The following GNB1L variants were observed in gnomAD, a reference collection of about 807,000 sequenced individuals.
The protein encoded by GNB1L is guanine nucleotide-binding protein subunit beta-like protein 1.
Under a neutral mutation model 29.1 loss-of-function variants are expected in GNB1L, and 20 were observed. That is an observed-to-expected ratio of 0.69 (90% CI 0.48 to 1.00). The LOEUF (loss-of-function observed/expected upper bound fraction) is 1.00. Among genes scored for constraint, GNB1L ranks in the 50% least tolerant of loss-of-function variants. GNB1L has a pLI of 0.00. For missense variants in GNB1L, 421 were observed against 464.9 expected (o/e 0.91, Z 0.87); for synonymous variants, 193 against 206.5 (o/e 0.93, Z 0.56).
rs1880366424 is a variant in GNB1L at position 19,788,157 on chromosome 22, A to T, written c.*552T>A. On this transcript the variant is annotated 3_prime_UTR_variant, in exon 8 of 8. Transcript: ENST00000329517. Reference sequence around the variant, plus strand: ...CTTTAGGGAGTTCAGTTACTTCCTGATCCTGATCCTGGCCTCAACCTGTGT... The same window carrying T: ...CTTTAGGGAGTTCAGTTACTTCCTGTTCCTGATCCTGGCCTCAACCTGTGT... 1 of 196,214 alleles carries T rather than the reference A, an allele frequency of 5.1e-6. No individual in the cohort carries two copies. The highest frequency in any genetic ancestry group is 2.3e-5 in the African/African-American group (1 of 42,750). The allele number at this position is 196,214 out of a possible 1,614,324, so 12.2% of individuals were successfully genotyped here.
chr22:19,792,777 G>T (rs1937266348), intron 7 of GNB1L: 3 of 1,472,120 alleles, frequency 2.0e-6, no homozygotes, highest in Non-Finnish European at 2.8e-6. Context: ...AGACGACGTG[G>T]ATCCCATCGA....
At chr22:19,853,713 C>T (rs1214945032) in intron 2 of GNB1L, among the ~76,000 whole-genome samples, 1 of 151,262 alleles carries the variant, frequency 6.6e-6, no homozygotes, top group Non-Finnish European at 1.5e-5. Flanking sequence ...GGTCTGACCC[C>T]CCTCTGGGGG....
chr22:19,828,592 G>C (rs924938880), intron 2 of GNB1L, among the ~76,000 whole-genome samples: 2 of 151,894 alleles, frequency 1.3e-5, no homozygotes, highest in Admixed American at 1.3e-4. Context: ...GCTGCAGTGA[G>C]CCATGATCAC....
At chr22:19,792,901 C>T (rs972516255) in intron 7 of GNB1L, 4 of 1,175,436 alleles carry the variant, frequency 3.4e-6, no homozygotes, top group African/African-American at 1.5e-5. Flanking sequence ...ACCACTGTCA[C>T]CTTCACATAG....
At position 19,832,236 on chromosome 22, in the gene GNB1L, G is replaced by A. The variant is rs553143799; in HGVS notation, c.-20-10861C>T. 3.3e-5 allele frequency among the ~76,000 whole-genome samples: 5 copies of A among 152,250 alleles called. No homozygotes were observed. In the East Asian group the frequency reaches 5.8e-4, roughly 18 times the overall value. On this transcript the variant is annotated intron_variant, in intron 2 of 7. Coordinates refer to ENST00000329517, the MANE Select transcript of GNB1L (RefSeq NM_053004.3). ...GCCTAGTTACTTGGGAGGCTGAGGT[G>A]GGAGGATCACTTAAGCCCAGGAGTT...
chr22:19,799,772 C>T (rs960685555), intron 7 of GNB1L, among the ~76,000 whole-genome samples: 1 of 152,184 alleles, frequency 6.6e-6, no homozygotes, highest in African/African-American at 2.4e-5. Flanking sequence ...TGCTTGCTCC[C>T]GGGTGGCAAG....
intron 2 of GNB1L, chr22:19,851,302 T>G (rs1464141514): frequency 1.2e-6 from 2 of 1,613,888 alleles, no homozygotes; most frequent in Non-Finnish European, 1.7e-6. Context: ...GTTTTGGACC[T>G]CCTGGATGAG....
intron 2 of GNB1L, chr22:19,850,935 T>C: frequency 1.5e-6 from 2 of 1,367,892 alleles, no homozygotes; most frequent in South Asian, 2.0e-5. Flanking sequence ...CGGGCAGGGA[T>C]GCAGCAGAGA....
chr22:19,850,086 C>T (rs1938058487), intron 2 of GNB1L: 10 of 985,816 alleles, frequency 1.0e-5, no homozygotes, highest in Non-Finnish European at 1.1e-5. Context: ...TCAGCCCCAC[C>T]CAGCTTCTTT....
chr22:19,826,719 G>A (rs2145886528), intron 2 of GNB1L, among the ~76,000 whole-genome samples: 1 of 152,286 alleles, frequency 6.6e-6, no homozygotes, highest in East Asian at 1.9e-4. Context: ...GGAGACATCT[G>A]GCTGTCACCA....
chr22:19,810,233 C>T (rs542545939), intron 5 of GNB1L, among the ~76,000 whole-genome samples: 1 of 152,302 alleles, frequency 6.6e-6, no homozygotes, highest in African/African-American at 2.4e-5. Context: ...AGGAGGCAGG[C>T]ACTGGCTACA....
At chr22:19,822,174 G>A (rs576653058) in intron 2 of GNB1L, among the ~76,000 whole-genome samples, 21 of 152,360 alleles carry the variant, frequency 1.4e-4, no homozygotes, top group East Asian at 3.9e-4. Flanking sequence ...TGGGGAAACC[G>A]AGGCAGAGAA....
At chr22:19,817,791 A>T (rs1399656990) in intron 4 of GNB1L, among the ~76,000 whole-genome samples, 2 of 152,294 alleles carry the variant, frequency 1.3e-5, no homozygotes, top group Admixed American at 1.3e-4. Flanking sequence ...CTACTTCTTG[A>T]CTGGAAGGTG....
chr22:19,788,803 G>A lies in GNB1L; in HGVS notation c.890C>T (p.Ala297Val). The A allele has an allele frequency of 6.2e-7, 1 of 1,612,652 alleles. No individual in the cohort carries two copies. The highest frequency in any genetic ancestry group is 8.5e-7 in the Non-Finnish European group (1 of 1,179,898). Residue 297 changes from alanine to valine, a missense_variant, in exon 8 of 8, where the codon GCT (alanine) becomes GTT (valine). Ala to Val is a moderately conservative substitution (Grantham distance 64). Coordinates refer to ENST00000329517, the MANE Select transcript of GNB1L (RefSeq NM_053004.3). ...GGCGGTGAAGGCCACGCACTGGACAGCGGCGCTGTGGAAGGCCAGCACGGC... is the reference window on the plus strand; with the variant it reads ...GGCGGTGAAGGCCACGCACTGGACAACGGCGCTGTGGAAGGCCAGCACGGC... Reference protein sequence around the residue: ...PLAVLAFHSAAVQCVAFTADG... With the variant: ...PLAVLAFHSAVVQCVAFTADG...
chr22:19,832,108 T>C (rs948575036), intron 2 of GNB1L, among the ~76,000 whole-genome samples: 5 of 152,064 alleles, frequency 3.3e-5, no homozygotes, highest in Non-Finnish European at 4.4e-5. Context: ...GGTGGGAGGA[T>C]CACTTGAGGC....
intron 7 of GNB1L, among the ~76,000 whole-genome samples, chr22:19,801,325 C>T (rs189319317): frequency 1.3e-5 from 2 of 152,330 alleles, no homozygotes; most frequent in Admixed American, 1.3e-4. Context: ...TCTGCAGCCC[C>T]TGAGACTTGC....
rs953706412 is a variant in GNB1L at position 19,816,081 on chromosome 22, C to T, written c.255-3634G>A. 1.3e-5 allele frequency among the ~76,000 whole-genome samples: 2 copies of T among 152,188 alleles called. No homozygotes were observed. The highest frequency in any genetic ancestry group is 2.4e-5 in the African/African-American group (1 of 41,452). On this transcript the variant is annotated intron_variant, in intron 4 of 7. Transcript: ENST00000329517. This position sits in a 1 kb window ranked among gnomAD's most constrained non-coding sequence, Gnocchi z 4.4. ...CCGACAGCCCACAGCCATCCTGGGG[C>T]GTCGTGGCCTGTGTGGGGCCTCGCG...
Position 19,786,223 on chromosome 22 carries a change from C to A in GNB1L, c.*2486G>T, listed in dbSNP as rs969129092. The A allele has an allele frequency of 1.3e-5, 2 of 152,324 alleles. No homozygotes were observed. The highest frequency in any genetic ancestry group is 4.8e-5 in the African/African-American group (2 of 41,466). The allele number at this position is 152,324 out of a possible 1,614,324, so 9.4% of individuals were successfully genotyped here. ...GGCTGTGTTAGGCATGCAGGACTCA[C>A]GCTGTCCCGACTCCATCCCTGCACA... On this transcript the variant is annotated 3_prime_UTR_variant, in exon 8 of 8. Coordinates refer to ENST00000329517, the MANE Select transcript of GNB1L (RefSeq NM_053004.3).
intron 2 of GNB1L, among the ~76,000 whole-genome samples, chr22:19,842,517 GGTGA>G (rs1201476391): frequency 6.6e-6 from 1 of 152,212 alleles, no homozygotes; most frequent in Non-Finnish European, 1.5e-5. Context: ...GGAGCAGCCT[GGTGA>G]GTAATGCCCA....
Sources: allele counts gnomAD v4.1 joint callset (sites outside exome capture counted in the v4.1 genomes callset), GRCh38; gene constraint gnomAD v4.1.1; non-coding constraint Gnocchi (gnomAD v3.1); transcripts MANE v1.5; gene names NCBI Gene and HGNC (gene_info 2026-07-23, HGNC 2026-07-21).